CNTNAP2: variants seen among roughly 807,000 people sequenced by gnomAD.
CNTNAP2 encodes the protein contactin-associated protein-like 2.
CNTNAP2 carries 98 observed loss-of-function variants against 155.2 expected under a neutral mutation model. That is an observed-to-expected ratio of 0.63 (90% CI 0.54 to 0.75). The LOEUF (loss-of-function observed/expected upper bound fraction) is 0.75, where lower values mean the gene tolerates loss of function less well. CNTNAP2 is among the 30% of genes least tolerant of loss of function. The pLI is 0.00. For missense variants in CNTNAP2, 1,727 were observed against 1,688.1 expected, an observed-to-expected ratio of 1.02 and a Z score of -0.40; for synonymous variants, 651 against 631.2, an observed-to-expected ratio of 1.03 and a Z score of -0.47.
chr7:148,038,822 GGATA>G (rs1802617374), intron 15 of CNTNAP2, among the ~76,000 whole-genome samples: 2 of 137,088 alleles, frequency 1.5e-5, no homozygotes, highest in East Asian at 2.1e-4. Flanking sequence ...TAGGATGGAT[GGATA>G]GATGGATGGA....
intron 3 of CNTNAP2, among the ~76,000 whole-genome samples, chr7:146,849,218 C>T (rs1440943640): frequency 2.0e-5 from 3 of 152,138 alleles, no homozygotes; most frequent in African/African-American, 7.2e-5. Context: ...ATTTTTATCT[C>T]TGTGCCATTC....
chr7:148,199,484 A>C (rs1345734058), intron 18 of CNTNAP2, among the ~76,000 whole-genome samples: 2 of 152,226 alleles, frequency 1.3e-5, no homozygotes, highest in Non-Finnish European at 2.9e-5. Context: ...CCTGTTGTTA[A>C]AATGATTCCA....
intron 1 of CNTNAP2, among the ~76,000 whole-genome samples, chr7:146,311,335 A>G (rs1800816803): frequency 2.0e-5 from 3 of 152,204 alleles, no homozygotes; most frequent in African/African-American, 7.2e-5. Flanking sequence ...TTTAACTTAA[A>G]AACAAGTGAC....
intron 18 of CNTNAP2, among the ~76,000 whole-genome samples, chr7:148,179,227 T>C (rs1794993567): frequency 6.6e-6 from 1 of 152,088 alleles, no homozygotes; most frequent in South Asian, 2.1e-4. Flanking sequence ...AAGCGCTGAT[T>C]AGCCAGGCAC....
intron 1 of CNTNAP2, among the ~76,000 whole-genome samples, chr7:146,694,787 T>G (rs954835725): frequency 6.6e-6 from 1 of 152,208 alleles, no homozygotes; most frequent in African/African-American, 2.4e-5. Flanking sequence ...TTTTGCAACT[T>G]TTCTCATGTA....
rs972318395 is a variant in CNTNAP2, at chr7:146,911,821, A to G, written c.402+71917A>G. On this transcript the variant is annotated intron_variant, in intron 3 of 23. Coordinates refer to ENST00000361727, the MANE Select transcript of CNTNAP2 (RefSeq NM_014141.6). ...TAAAGTATAATAATAAAAAAAATAA[A>G]TAATAAAATTTGGTTTACAATCTTC... 3.3e-5 allele frequency among the ~76,000 whole-genome samples: 5 copies of G among 152,048 alleles called. No individual in the cohort carries two copies. In the East Asian group the frequency reaches 5.8e-4, roughly 18 times the overall value.
At chr7:147,459,328 C>G (rs1303737201) in intron 10 of CNTNAP2, among the ~76,000 whole-genome samples, 3 of 152,160 alleles carry the variant, frequency 2.0e-5, no homozygotes, top group African/African-American at 7.2e-5. Context: ...CTTGTACCTC[C>G]AGTTCTATGA....
At chr7:147,278,198 G>A (rs1181104197) in intron 8 of CNTNAP2, among the ~76,000 whole-genome samples, 1 of 150,618 alleles carries the variant, frequency 6.6e-6, no homozygotes, top group East Asian at 1.9e-4. Flanking sequence ...ATTTCAGGTA[G>A]CTTTTCCATC....
intron 10 of CNTNAP2, among the ~76,000 whole-genome samples, chr7:147,443,182 A>C (rs1163927723): frequency 6.6e-6 from 1 of 152,130 alleles, no homozygotes; most frequent in Non-Finnish European, 1.5e-5. Flanking sequence ...GGCTTGTGGG[A>C]ACTCAAGCAC....
chr7:146,232,979 T>C (rs1254675952), intron 1 of CNTNAP2, among the ~76,000 whole-genome samples: 1 of 152,184 alleles, frequency 6.6e-6, no homozygotes, highest in Non-Finnish European at 1.5e-5. Context: ...TCTCACTCTA[T>C]TGCATAATCT....
At chr7:147,516,923 G>A (rs746905810) in intron 11 of CNTNAP2, among the ~76,000 whole-genome samples, 44 of 149,094 alleles carry the variant, frequency 3.0e-4, no homozygotes, top group African/African-American at 5.2e-4. Flanking sequence ...GTGCAGTGGC[G>A]CAATCTCGGC....
chr7:147,511,396 T>C (rs1437356995), intron 11 of CNTNAP2, among the ~76,000 whole-genome samples: 3 of 152,108 alleles, frequency 2.0e-5, no homozygotes. Flanking sequence ...TTTAAACAAG[T>C]TTTTTTCTTC....
intron 13 of CNTNAP2, among the ~76,000 whole-genome samples, chr7:147,701,175 C>G (rs918717527): frequency 6.6e-6 from 1 of 152,138 alleles, no homozygotes; most frequent in Non-Finnish European, 1.5e-5. Context: ...TAAGCTTAGA[C>G]ATTTTAGATG....
At chr7:147,794,802 T>C (rs544200811) in intron 13 of CNTNAP2, among the ~76,000 whole-genome samples, 2 of 152,002 alleles carry the variant, frequency 1.3e-5, no homozygotes, top group East Asian at 3.9e-4. Flanking sequence ...TTCTATTTCT[T>C]TCTGGGTCAG....
intron 8 of CNTNAP2, among the ~76,000 whole-genome samples, chr7:147,286,919 C>CA (rs1213610142): frequency 3.9e-5 from 6 of 152,044 alleles, no homozygotes; most frequent in African/African-American, 1.4e-4. Flanking sequence ...CCTGCTTCTT[C>CA]AAATAGTTTC....
intron 21 of CNTNAP2, 141 bp from the exon 22 acceptor site, chr7:148,383,508 T>C: frequency 1.6e-6 from 2 of 1,227,592 alleles, no homozygotes; most frequent in South Asian, 2.7e-5. Flanking sequence ...TATCGACCCA[T>C]TAATATTTCA....
chr7:146,121,799 T>C (rs191111024), intron 1 of CNTNAP2, among the ~76,000 whole-genome samples: 95 of 152,332 alleles, frequency 6.2e-4, no homozygotes, highest in Admixed American at 2.3e-3. Context: ...ACAACCAGTA[T>C]TGGGCTGCTG....
At chr7:146,683,222 G>A (rs1302477469) in intron 1 of CNTNAP2, among the ~76,000 whole-genome samples, 1 of 152,018 alleles carries the variant, frequency 6.6e-6, no homozygotes, top group Non-Finnish European at 1.5e-5. Flanking sequence ...TAATACAGAT[G>A]GGGTTACACC....
At chr7:147,088,766 G>T (rs887289635) in intron 4 of CNTNAP2, among the ~76,000 whole-genome samples, 4 of 151,854 alleles carry the variant, frequency 2.6e-5, no homozygotes, top group East Asian at 1.9e-4. Flanking sequence ...AACATAGAGA[G>T]ACCCCATCTC....
Sources: allele counts gnomAD v4.1 joint callset (sites outside exome capture counted in the v4.1 genomes callset), GRCh38; gene constraint gnomAD v4.1.1; transcripts MANE v1.5; gene names NCBI Gene and HGNC (gene_info 2026-07-23, HGNC 2026-07-21).